DPP10: variants seen among roughly 807,000 people sequenced by gnomAD.
DPP10 encodes the protein inactive dipeptidyl peptidase 10.
In DPP10, 33 loss-of-function variants were observed where a neutral mutation model predicts 120.9. That is an observed-to-expected ratio of 0.27 (90% confidence interval 0.21 to 0.37). The LOEUF (loss-of-function observed/expected upper bound fraction) is 0.37, where lower values mean the gene tolerates loss of function less well. Ranked by LOEUF, DPP10 falls within the 10% of genes least tolerant of loss-of-function variation. The pLI is 1.00. For missense variants in DPP10, 816 were observed against 942.8 expected (o/e 0.87, Z 1.76); for synonymous variants, 337 against 326.1 (o/e 1.03, Z -0.36).
At chr2:114,920,154 T>C (rs1329824816) in intron 1 of DPP10, among the ~76,000 whole-genome samples, 1 of 152,116 alleles carries the variant, frequency 6.6e-6, no homozygotes, top group Non-Finnish European at 1.5e-5. Flanking sequence ...GTGGAGAGGA[T>C]TGACAGTGGT....
At chr2:114,899,380 T>C (rs1265782304) in intron 1 of DPP10, among the ~76,000 whole-genome samples, 4 of 152,074 alleles carry the variant, frequency 2.6e-5, no homozygotes, top group African/African-American at 9.7e-5. Flanking sequence ...AAATAAACTG[T>C]TGTACAACTA....
intron 3 of DPP10, among the ~76,000 whole-genome samples, chr2:115,465,347 G>T (rs2105110481): frequency 6.6e-6 from 1 of 152,198 alleles, no homozygotes; most frequent in Non-Finnish European, 1.5e-5. Flanking sequence ...GATTTTATAG[G>T]CTTTGGAAGT....
At chr2:115,320,167 AT>A (rs771797247) in intron 2 of DPP10, among the ~76,000 whole-genome samples, 1 of 152,086 alleles carries the variant, frequency 6.6e-6, no homozygotes, top group Non-Finnish European at 1.5e-5. Flanking sequence ...TTAAAGTCTA[AT>A]TTTTCTGATA....
At chr2:114,607,889 T>C (rs1692944011) in intron 1 of DPP10, among the ~76,000 whole-genome samples, 1 of 152,182 alleles carries the variant, frequency 6.6e-6, no homozygotes, top group Non-Finnish European at 1.5e-5. Context: ...CCCAGTGTGG[T>C]CTTTTCTTTC....
chr2:115,162,216 C>G (rs1215955954), intron 1 of DPP10: 1 of 1,557,674 alleles, frequency 6.4e-7, no homozygotes, highest in East Asian at 2.4e-5. Flanking sequence ...TGCGTGCGCT[C>G]CGGGGCCCGG....
chr2:115,840,311 GTTTTTT>G (rs1689963400), intron 24 of DPP10, among the ~76,000 whole-genome samples: 2 of 33,242 alleles, frequency 6.0e-5, no homozygotes, highest in African/African-American at 1.8e-4. Flanking sequence ...CAGATATAAG[GTTTTTT>G]GGTTTTTTTT....
intron 1 of DPP10, among the ~76,000 whole-genome samples, chr2:114,718,376 G>A (rs909871751): frequency 6.8e-6 from 1 of 147,722 alleles, no homozygotes; most frequent in African/African-American, 2.5e-5. Context: ...ACTCCAGCCT[G>A]GGCGAGAGTG....
At chr2:114,758,866 C>A (rs190645131) in intron 1 of DPP10, among the ~76,000 whole-genome samples, 1 of 152,170 alleles carries the variant, frequency 6.6e-6, no homozygotes, top group Middle Eastern at 3.4e-3. Flanking sequence ...AATTAAAAAA[C>A]GAAATTTCAA....
intron 1 of DPP10, among the ~76,000 whole-genome samples, chr2:114,460,468 T>C (rs1678837929): frequency 6.6e-6 from 1 of 152,138 alleles, no homozygotes; most frequent in Non-Finnish European, 1.5e-5. Flanking sequence ...ATTCTGAGTA[T>C]ATGATTTAGA....
intron 9 of DPP10, among the ~76,000 whole-genome samples, chr2:115,742,355 T>C (rs1003915701): frequency 1.1e-4 from 16 of 152,170 alleles, no homozygotes; most frequent in African/African-American, 3.1e-4. Context: ...CATTTACTCC[T>C]AATGACTTAG....
intron 3 of DPP10, among the ~76,000 whole-genome samples, chr2:115,371,066 A>G (rs925094205): frequency 1.3e-5 from 2 of 152,174 alleles, no homozygotes; most frequent in African/African-American, 4.8e-5. Context: ...AATGAATATT[A>G]TAGTGCTGGC....
chr2:115,150,534 G>A (rs959142475), intron 1 of DPP10, among the ~76,000 whole-genome samples: 1 of 152,044 alleles, frequency 6.6e-6, no homozygotes, highest in Non-Finnish European at 1.5e-5. Context: ...ATGTTTTCTT[G>A]CATATGCTAT....
chr2:115,602,272 ATTATCT>A (rs1486907501), intron 5 of DPP10, among the ~76,000 whole-genome samples: 8 of 152,174 alleles, frequency 5.3e-5, no homozygotes, highest in African/African-American at 1.9e-4. Flanking sequence ...GAAGAATCTG[ATTATCT>A]TTATACAATG....
intron 1 of DPP10, among the ~76,000 whole-genome samples, chr2:114,926,428 C>T (rs1695624074): frequency 1.3e-5 from 2 of 152,216 alleles, no homozygotes; most frequent in African/African-American, 4.8e-5. Context: ...TTAAAAGTCA[C>T]ATCGCTGGAA....
chr2:115,590,354 T>A (rs2082573991), intron 5 of DPP10, among the ~76,000 whole-genome samples: 1 of 152,032 alleles, frequency 6.6e-6, no homozygotes. Flanking sequence ...TGTTTGATGT[T>A]CCCCACCCTG....
intron 1 of DPP10, among the ~76,000 whole-genome samples, chr2:115,248,906 C>T (rs1339919898): frequency 2.6e-5 from 4 of 152,070 alleles, no homozygotes; most frequent in African/African-American, 9.7e-5. Context: ...ATTGAGGATA[C>T]TTTCAAAGTA....
intron 1 of DPP10, among the ~76,000 whole-genome samples, chr2:114,994,345 G>A (rs974462853): frequency 2.6e-5 from 4 of 152,176 alleles, no homozygotes; most frequent in Non-Finnish European, 5.9e-5. Flanking sequence ...CAGATACATA[G>A]ATGATAGGTA....
rs138898003 is a variant in DPP10, at chr2:114,486,304, A to C, written c.60+43466A>C. On this transcript the variant is annotated intron_variant, in intron 1 of 25. Coordinates refer to ENST00000410059, the MANE Select transcript of DPP10 (RefSeq NM_020868.6). ...CATCCATATGGGTCTTGTTGAAAAAAAAATTACATTTCCTTGTGGCCAAAT... is the reference window on the plus strand; with the variant it reads ...CATCCATATGGGTCTTGTTGAAAAACAAATTACATTTCCTTGTGGCCAAAT... Among the ~76,000 whole-genome samples the C allele has an allele frequency of 6.0e-3, 920 of 152,304 alleles. 1 individual carries two copies. Among genetic ancestry groups the C allele is most frequent in the Non-Finnish European group, 0.01 (699 of 68,020 alleles).
chr2:115,240,911 C>T (rs2058242386), intron 1 of DPP10, among the ~76,000 whole-genome samples: 1 of 152,200 alleles, frequency 6.6e-6, no homozygotes, highest in Non-Finnish European at 1.5e-5. Flanking sequence ...GCTGCCTTTT[C>T]CTCTAAAGTT....
Sources: gnomAD v4.1 joint callset for allele counts (sites outside exome capture counted in the v4.1 genomes callset) on GRCh38, gnomAD v4.1.1 for gene constraint, MANE v1.5 for transcripts, NCBI Gene and HGNC (gene_info 2026-07-23, HGNC 2026-07-21) for gene names.